Variants in PAG1 observed in about 807,000 individuals in gnomAD.
PAG1 encodes phosphoprotein associated with glycosphingolipid-enriched microdomains 1.
Under a neutral mutation model 31.7 loss-of-function variants are expected in PAG1, and 23 were observed. The ratio of observed to expected loss-of-function variants is 0.73; its 90% CI spans 0.52 to 1.03. The LOEUF (loss-of-function observed/expected upper bound fraction) is 1.03. PAG1 is among the 50% of genes least tolerant of loss of function. PAG1 has a pLI of 0.00. For missense variants in PAG1, 473 were observed against 540.7 expected (o/e 0.87, Z 1.24); for synonymous variants, 214 against 210.3 (o/e 1.02, Z -0.15).
intron 3 of PAG1, among the ~76,000 whole-genome samples, chr8:81,026,028 C>T (rs138445917): frequency 3.9e-5 from 6 of 152,214 alleles, no homozygotes; most frequent in African/African-American, 1.2e-4. Context: ...GATGCCAATG[C>T]TGTTTCTACC....
At chr8:81,016,471 C>T (rs573753792) in intron 3 of PAG1, among the ~76,000 whole-genome samples, 3 of 152,272 alleles carry the variant, frequency 2.0e-5, no homozygotes, top group South Asian at 2.1e-4. Context: ...ATATTTTCTA[C>T]GTTTAGGGAA....
At position 80,990,074 on chromosome 8, in the gene PAG1, C is replaced by A. The variant is rs566822811; in HGVS notation, c.177+1405G>T. Among the ~76,000 whole-genome samples the A allele has an allele frequency of 7.1e-6, 1 of 141,648 alleles. No individual in the cohort carries two copies. The highest frequency in any genetic ancestry group is 1.6e-5 in the Non-Finnish European group (1 of 64,254). 92.9% of individuals were successfully genotyped at this position (141,648 alleles called of 152,430 possible). ...CTGCTGAGGCCACCACAGCAGCAAT[C>A]ACCAGGCAGAGCAGGGGCGCTGGGA... On this transcript the variant is annotated intron_variant, in intron 5 of 8. Coordinates refer to ENST00000220597, the MANE Select transcript of PAG1 (RefSeq NM_018440.4). This position sits in a 1 kb window ranked among gnomAD's most constrained non-coding sequence, Gnocchi z 5.1.
At chr8:81,099,112 T>C (rs1305101047) in intron 1 of PAG1, among the ~76,000 whole-genome samples, 7 of 152,354 alleles carry the variant, frequency 4.6e-5, no homozygotes, top group Admixed American at 1.3e-4. Flanking sequence ...GTGTGTTGCC[T>C]GGATCCCATG....
chr8:81,008,197 A>G (rs1018541651), intron 3 of PAG1, among the ~76,000 whole-genome samples: 2 of 152,206 alleles, frequency 1.3e-5, no homozygotes, highest in Admixed American at 6.5e-5. Context: ...TCCCATAAAC[A>G]AGAATAATTC....
chr8:80,991,048 G>A (rs1807535294), intron 5 of PAG1, among the ~76,000 whole-genome samples: 1 of 152,102 alleles, frequency 6.6e-6, no homozygotes, highest in Admixed American at 6.5e-5. Flanking sequence ...AGAATTTGGG[G>A]TGATGCCTGT....
At chr8:81,103,711 A>T (rs1287834213) in intron 1 of PAG1, among the ~76,000 whole-genome samples, 2 of 152,226 alleles carry the variant, frequency 1.3e-5, no homozygotes, top group African/African-American at 4.8e-5. Flanking sequence ...TTACATAAGC[A>T]TTGGCTCAAA....
chr8:81,036,021 A>C (rs995409053), intron 2 of PAG1, among the ~76,000 whole-genome samples: 4 of 152,132 alleles, frequency 2.6e-5, no homozygotes, highest in Admixed American at 2.6e-4. Context: ...ATCTCTCCTT[A>C]CTGTTCCTTT....
At chr8:81,082,198 A>G (rs1285524068) in intron 1 of PAG1, among the ~76,000 whole-genome samples, 1 of 146,074 alleles carries the variant, frequency 6.8e-6, no homozygotes, top group Non-Finnish European at 1.5e-5. Context: ...GGTTGCAGTG[A>G]GCCGAGACTG....
intron 1 of PAG1, among the ~76,000 whole-genome samples, chr8:81,104,025 C>T (rs1809651797): frequency 6.6e-6 from 1 of 152,138 alleles, no homozygotes; most frequent in African/African-American, 2.4e-5. Flanking sequence ...AATGAAAATT[C>T]CATGCGCTTC....
rs767075951 is a variant in PAG1 at position 81,027,456 on chromosome 8, A to T, written c.-81+2540T>A. On this transcript the variant is annotated intron_variant, in intron 3 of 8. Coordinates refer to ENST00000220597, the MANE Select transcript of PAG1 (RefSeq NM_018440.4). ...GTGGAGTAAAGGACCTGCTTTTGTT[A>T]CATAAGATTAACCCTTACACAGGCT... 1.4e-3 allele frequency among the ~76,000 whole-genome samples: 206 copies of T among 152,368 alleles called. 1 individual carries two copies. The highest frequency in any genetic ancestry group is 1.6e-3 in the Non-Finnish European group (111 of 68,036).
At chr8:81,093,381 A>G (rs1274445672) in intron 1 of PAG1, among the ~76,000 whole-genome samples, 1 of 152,222 alleles carries the variant, frequency 6.6e-6, no homozygotes, top group Non-Finnish European at 1.5e-5. Flanking sequence ...TATGTTCTAG[A>G]ACATAGATGT....
intron 1 of PAG1, among the ~76,000 whole-genome samples, chr8:81,109,949 C>G (rs924284633): frequency 6.6e-6 from 1 of 152,206 alleles, no homozygotes; most frequent in Non-Finnish European, 1.5e-5. Context: ...TGGATGTAAT[C>G]TCTTCTAGAG....
intron 3 of PAG1, among the ~76,000 whole-genome samples, chr8:81,017,374 T>C (rs944622784): frequency 4.6e-5 from 7 of 152,368 alleles, no homozygotes; most frequent in African/African-American, 1.4e-4. Flanking sequence ...GTGATGTTTA[T>C]AGCACAGGAC....
At chr8:81,049,306 A>G (rs1808689500) in intron 2 of PAG1, among the ~76,000 whole-genome samples, 2 of 152,222 alleles carry the variant, frequency 1.3e-5, no homozygotes, top group Admixed American at 1.3e-4. Flanking sequence ...CTTCTCATTT[A>G]CTTACATCTT....
intron 3 of PAG1, among the ~76,000 whole-genome samples, chr8:81,020,326 G>A (rs1808141650): frequency 6.6e-6 from 1 of 152,082 alleles, no homozygotes; most frequent in South Asian, 2.1e-4. Flanking sequence ...GAGGGGCCAG[G>A]GGTAGAATGA....
At chr8:81,051,002 G>A (rs1429311065) in intron 2 of PAG1, among the ~76,000 whole-genome samples, 2 of 152,128 alleles carry the variant, frequency 1.3e-5, no homozygotes, top group East Asian at 3.8e-4. Flanking sequence ...GTGACTTTAC[G>A]TTTGTCTTAC....
intron 5 of PAG1, among the ~76,000 whole-genome samples, chr8:80,989,130 GATAGTTCATGCTGT>G (rs1013529358): frequency 2.6e-5 from 4 of 152,188 alleles, no homozygotes; most frequent in African/African-American, 4.8e-5. Context: ...ATACACAGCA[GATAGTTCATGCTGT>G]GCAATGATCC....
chr8:81,083,727 T>C (rs1411608864), intron 1 of PAG1, among the ~76,000 whole-genome samples: 1 of 152,182 alleles, frequency 6.6e-6, no homozygotes, highest in East Asian at 1.9e-4. Flanking sequence ...CTTGCTGCCT[T>C]CTTCATCAGG....
At chr8:81,086,813 G>A (rs1390889861) in intron 1 of PAG1, among the ~76,000 whole-genome samples, 1 of 152,160 alleles carries the variant, frequency 6.6e-6, no homozygotes, top group African/African-American at 2.4e-5. Flanking sequence ...AAATTAAAAA[G>A]TATAACGTCA....
Sources: allele counts gnomAD v4.1 joint callset (sites outside exome capture counted in the v4.1 genomes callset), GRCh38; gene constraint gnomAD v4.1.1; non-coding constraint Gnocchi (gnomAD v3.1); transcripts MANE v1.5; gene names NCBI Gene and HGNC (gene_info 2026-07-23, HGNC 2026-07-21).